Variants in CEP170 observed in about 807,000 individuals in gnomAD.
CEP170 encodes the protein centrosomal protein of 170 kDa.
Under a neutral mutation model 151.9 loss-of-function variants are expected in CEP170, and 21 were observed. That is an observed-to-expected ratio of 0.14 (90% CI 0.10 to 0.20). The LOEUF (loss-of-function observed/expected upper bound fraction) is 0.20, where lower values mean the gene tolerates loss of function less well. Ranked by LOEUF, CEP170 falls within the 10% of genes least tolerant of loss-of-function variation. The probability of loss-of-function intolerance (pLI) is 1.00; values close to 1 mark genes in which losing one functional copy is unlikely to be tolerated. For missense variants in CEP170, 964 were observed against 1,892.9 expected, an observed-to-expected ratio of 0.51 and a Z score of 9.11; for synonymous variants, 356 against 648.8, an observed-to-expected ratio of 0.55 and a Z score of 6.86.
At chr1:243,223,833 T>C (rs146688422) in intron 2 of CEP170, among the ~76,000 whole-genome samples, 16 of 152,320 alleles carry the variant, frequency 1.1e-4, no homozygotes, top group African/African-American at 3.6e-4. Context: ...CCCATTTGTG[T>C]AACTATTTTT....
At chr1:243,216,281 C>T (rs2062280090) in intron 3 of CEP170, among the ~76,000 whole-genome samples, 1 of 151,842 alleles carries the variant, frequency 6.6e-6, no homozygotes. Flanking sequence ...ATACATGTGC[C>T]ATGCTGGTGT....
In CEP170 at chr1:243,225,161, G is replaced by A. The variant is rs772467521; in HGVS notation, c.105+15C>T. ...GTTTTGAATAAACACATATAGAGAAGCTTGACACAATTACCTGCAACATGA... is the reference window on the plus strand; with the variant it reads ...GTTTTGAATAAACACATATAGAGAAACTTGACACAATTACCTGCAACATGA... On this transcript the variant is annotated intron_variant, in intron 2 of 19. Coordinates refer to ENST00000366542, the MANE Select transcript of CEP170 (RefSeq NM_014812.3). The A allele has an allele frequency of 5.6e-5, 85 of 1,525,314 alleles. No individual in the cohort carries two copies. The highest frequency in any genetic ancestry group is 7.5e-5 in the Non-Finnish European group (84 of 1,122,398). 94.5% of individuals were successfully genotyped at this position (1,525,314 alleles called of 1,614,324 possible).
intron 16 of CEP170, among the ~76,000 whole-genome samples, chr1:243,138,875 G>A (rs2148282480): frequency 6.6e-6 from 1 of 152,206 alleles, no homozygotes; most frequent in South Asian, 2.1e-4. Flanking sequence ...TCAACTTTAG[G>A]AGATAGTGTC....
intron 11 of CEP170, among the ~76,000 whole-genome samples, chr1:243,171,351 A>C (rs2058828495): frequency 6.6e-6 from 1 of 152,192 alleles, no homozygotes. Context: ...TAACATTAAT[A>C]AACAAACAAA....
At chr1:243,135,007 A>G (rs1400549356) in intron 17 of CEP170, among the ~76,000 whole-genome samples, 2 of 152,350 alleles carry the variant, frequency 1.3e-5, no homozygotes, top group Non-Finnish European at 2.9e-5. Context: ...TAGATATAAT[A>G]AATATTTTTC....
chr1:243,221,224 C>T (rs1291192275), intron 3 of CEP170, among the ~76,000 whole-genome samples: 2 of 152,168 alleles, frequency 1.3e-5, no homozygotes, highest in African/African-American at 2.4e-5. Flanking sequence ...GGGGGTTCAC[C>T]GTGTTAGCCA....
chr1:243,214,280 G>GTTTTTT (rs758433258), intron 3 of CEP170, among the ~76,000 whole-genome samples: 18 of 100,530 alleles, frequency 1.8e-4, no homozygotes, highest in Admixed American at 5.3e-4. Flanking sequence ...AAGCTGTAAA[G>GTTTTTT]TTTTTTTTTT....
intron 1 of CEP170, among the ~76,000 whole-genome samples, chr1:243,248,597 C>T (rs2065639829): frequency 6.6e-6 from 1 of 152,192 alleles, no homozygotes; most frequent in Non-Finnish European, 1.5e-5. Context: ...ACATTTGACT[C>T]TCTAAAGCCA....
At chr1:243,220,230 T>C (rs1466859393) in intron 3 of CEP170, among the ~76,000 whole-genome samples, 1 of 152,156 alleles carries the variant, frequency 6.6e-6, no homozygotes, top group Non-Finnish European at 1.5e-5. Context: ...AAGAGTAGAC[T>C]GAAGAAAATC....
At chr1:243,176,116 G>GTA (rs2059233589) in intron 10 of CEP170, among the ~76,000 whole-genome samples, 1 of 151,958 alleles carries the variant, frequency 6.6e-6, no homozygotes, top group Non-Finnish European at 1.5e-5. Context: ...TTCCAACATA[G>GTA]TATCTCACCT....
At chr1:243,144,782 TA>T (rs1250009869) in intron 14 of CEP170, among the ~76,000 whole-genome samples, 1 of 152,174 alleles carries the variant, frequency 6.6e-6, no homozygotes, top group Non-Finnish European at 1.5e-5. Flanking sequence ...GAAAACCTAA[TA>T]GATATTTTCA....
At chr1:243,184,895 A>G (rs1252139644) in intron 10 of CEP170, among the ~76,000 whole-genome samples, 1 of 152,128 alleles carries the variant, frequency 6.6e-6, no homozygotes, top group African/African-American at 2.4e-5. Context: ...ATTTCTAACA[A>G]GCTTCCAAGT....
Position 243,189,303 on chromosome 1 carries a change from C to T in CEP170, c.1108+1715G>A, listed in dbSNP as rs373826311. Among the ~76,000 whole-genome samples, 88 of 151,938 alleles carry T rather than the reference C, an allele frequency of 5.8e-4. 1 individual carries two copies. In the South Asian group the frequency reaches 6.5e-3, roughly 11 times the overall value. On this transcript the variant is annotated intron_variant, in intron 8 of 19. Coordinates refer to ENST00000366542, the MANE Select transcript of CEP170 (RefSeq NM_014812.3). ...CAGGCGCGGTGGCTCACGCCTGTAA[C>T]CCCAGCACTTTGGGAGGCTAAGGTG... is the stretch of plus-strand genomic sequence containing the variant.
At position 243,185,726 on chromosome 1, in the gene CEP170, A is replaced by C; in HGVS notation, c.1566+53T>G. ...TGCTGACTCTCCAATAATTTCCACC[A>C]GTCAAATACACCACACAACAACTAA... On this transcript the variant is annotated intron_variant, in intron 10 of 19. Transcript: ENST00000366542. This position sits in a 1 kb window ranked among gnomAD's most constrained non-coding sequence, Gnocchi z 4.9. The C allele has an allele frequency of 6.6e-7, 1 of 1,514,512 alleles. No homozygotes were observed. The highest frequency in any genetic ancestry group is 8.8e-7 in the Non-Finnish European group (1 of 1,131,426). The allele number at this position is 1,514,512 out of a possible 1,614,324, so 93.8% of individuals were successfully genotyped here.
chr1:243,233,483 C>T (rs2063948562), intron 1 of CEP170, among the ~76,000 whole-genome samples: 2 of 151,938 alleles, frequency 1.3e-5, no homozygotes, highest in South Asian at 4.1e-4. Flanking sequence ...CCTGTAATCC[C>T]AGCACTTTGG....
rs34312127 is a variant in CEP170, at chr1:243,172,798, C to T, written c.1615G>A (p.Glu539Lys). 9.5e-6 allele frequency: 15 copies of T among 1,574,514 alleles called. No individual in the cohort carries two copies. In the East Asian group the frequency reaches 1.4e-4, roughly 15 times the overall value. Reference protein sequence around the residue: ...NQDYNRPVINEKHKDLIKDWA... With the variant: ...NQDYNRPVINKKHKDLIKDWA... The stretch of plus-strand genomic sequence containing the variant: ...TCTTTTATTAGATCTTTATGTTTTT[C>T]GTTGATAACAGGCCTATTATAATCC... Residue 539 changes from glutamate to lysine, a missense_variant, in exon 11 of 20, where the codon GAA becomes AAA. Glu to Lys is a moderately conservative substitution (Grantham distance 56). Coordinates refer to ENST00000366542, the MANE Select transcript of CEP170 (RefSeq NM_014812.3).
Position 243,126,079 on chromosome 1 carries a change from A to G in CEP170, c.*370T>C. ...ATTTCAGGGAGCAGCTTGGCACAGG[A>G]GACTTAGGGGTTCAGAAATGTTGGC... is the stretch of plus-strand genomic sequence containing the variant. On this transcript the variant is annotated 3_prime_UTR_variant, in exon 20 of 20. Coordinates refer to ENST00000366542, the MANE Select transcript of CEP170 (RefSeq NM_014812.3). The G allele has an allele frequency of 6.5e-6, 3 of 460,810 alleles. No homozygotes were observed. Among genetic ancestry groups the G allele is most frequent in the South Asian group, 4.6e-5 (3 of 64,574 alleles). The allele number at this position is 460,810 out of a possible 1,614,324, so 28.5% of individuals were successfully genotyped here. A position where few individuals can be genotyped will look rare whatever the true frequency, so the allele number is the denominator to read the frequency against.
chr1:243,243,627 G>GA (rs2065077047), intron 1 of CEP170, among the ~76,000 whole-genome samples: 1 of 151,948 alleles, frequency 6.6e-6, no homozygotes, highest in African/African-American at 2.4e-5. Context: ...AGGTTCAAGT[G>GA]ATTCTCCTGC....
In CEP170 at chr1:243,126,260, T is replaced by C. The variant is rs2053687520; in HGVS notation, c.*189A>G. On this transcript the variant is annotated 3_prime_UTR_variant, in exon 20 of 20. Transcript: ENST00000366542. ...TTTTTCCTATTTGTGCATCAAGTGGTTATCTAAATAGTTTGAAAGGATTGA... is the reference window on the plus strand; with the variant it reads ...TTTTTCCTATTTGTGCATCAAGTGGCTATCTAAATAGTTTGAAAGGATTGA... 1 of 720,086 alleles carries C rather than the reference T, an allele frequency of 1.4e-6. No individual in the cohort carries two copies. The highest frequency in any genetic ancestry group is 2.5e-6 in the Non-Finnish European group (1 of 398,928). 44.6% of individuals were successfully genotyped at this position (720,086 alleles called of 1,614,324 possible). A position where few individuals can be genotyped will look rare whatever the true frequency, so the allele number is the denominator to read the frequency against.
Sources: gnomAD v4.1 joint callset for allele counts (sites outside exome capture counted in the v4.1 genomes callset) on GRCh38, gnomAD v4.1.1 for gene constraint, Gnocchi (gnomAD v3.1) non-coding constraint, MANE v1.5 for transcripts, NCBI Gene and HGNC (gene_info 2026-07-23, HGNC 2026-07-21) for gene names.